The following DMBT1 variants were observed in gnomAD, a reference collection of about 807,000 sequenced individuals.
DMBT1 encodes scavenger receptor cysteine-rich domain-containing protein DMBT1.
A neutral mutation model predicts 252.9 loss-of-function variants in DMBT1; 198 were observed. The observed-to-expected ratio is 0.78, with a 90% confidence interval of 0.70 to 0.88. DMBT1 has a LOEUF of 0.88. Among genes scored for constraint, DMBT1 ranks in the 40% least tolerant of loss-of-function variants. The probability of loss-of-function intolerance (pLI) is 0.00; values close to 1 mark genes in which losing one functional copy is unlikely to be tolerated. For missense variants in DMBT1, 2,432 were observed against 2,404.7 expected (o/e 1.01, Z -0.24); for synonymous variants, 990 against 942.7 (o/e 1.05, Z -0.92).
rs964325640 is a variant in DMBT1 at position 122,593,077 on chromosome 10, G to A, written c.2500+482G>A. ...GGTTAGGGGTGCAAATGGGTGTCTGGTTCTATCAGGCCTGGGTTGTGTGAG... is the reference window on the plus strand; with the variant it reads ...GGTTAGGGGTGCAAATGGGTGTCTGATTCTATCAGGCCTGGGTTGTGTGAG... On this transcript the variant is annotated intron_variant, in intron 20 of 55. Transcript: ENST00000338354. Among the ~76,000 whole-genome samples the A allele has an allele frequency of 1.3e-4, 19 of 148,952 alleles. 3 individuals carry two copies. The highest frequency in any genetic ancestry group is 3.4e-3 in the Middle Eastern group (1 of 294).
chr10:122,618,107 C>T lies in DMBT1; in HGVS notation c.4982C>T (p.Thr1661Ile). 1 of 1,613,902 alleles carries T rather than the reference C, an allele frequency of 6.2e-7. No homozygotes were observed. Among genetic ancestry groups the T allele is most frequent in the Non-Finnish European group, 8.5e-7 (1 of 1,179,866 alleles). Residue 1661 changes from threonine (T) to isoleucine (I), a missense_variant, in exon 41 of 56, where the codon ACC becomes ATC. This residue lies in a region of DMBT1 where 1,162 missense variants were observed against 1,169.0 expected (regional missense o/e 0.99). Transcript: ENST00000338354. ...GTCCTATACCAAGGCTCCTGGGGCA[C>T]CGTGTGTGATGACTACTGGGACACC... ...VEVLYQGSWG[T>I]VCDDYWDTND...
intron 4 of DMBT1, among the ~76,000 whole-genome samples, chr10:122,572,098 G>C (rs189152026): frequency 3.3e-5 from 5 of 152,308 alleles, no homozygotes; most frequent in African/African-American, 9.6e-5. Flanking sequence ...GAGGTTGGGG[G>C]AGGGTAAGGA....
chr10:122,638,741 GCCT>G (rs1176215233), intron 54 of DMBT1, among the ~76,000 whole-genome samples: 2 of 152,208 alleles, frequency 1.3e-5, no homozygotes, highest in Non-Finnish European at 2.9e-5. Context: ...ACTGCTCCTG[GCCT>G]CCTCTATTTC....
intron 20 of DMBT1, among the ~76,000 whole-genome samples, chr10:122,593,191 A>G (rs1045313156): frequency 1.3e-5 from 2 of 148,750 alleles, no homozygotes; most frequent in African/African-American, 2.4e-5. Context: ...CCCCCATGAG[A>G]CAGGCCAGGC....
At chr10:122,629,359 T>C (rs2098141147) in intron 46 of DMBT1, among the ~76,000 whole-genome samples, 1 of 152,230 alleles carries the variant, frequency 6.6e-6, no homozygotes, top group African/African-American at 2.4e-5. Context: ...CCCAGGCTTC[T>C]TGTTGCAGAA....
chr10:122,571,032 G>A, intron 4 of DMBT1, 95 bp downstream of exon 4: 1 of 1,454,046 alleles, frequency 6.9e-7, no homozygotes, highest in Non-Finnish European at 9.6e-7. Context: ...GGCATAGAAG[G>A]TAGGGTGCTG....
At chr10:122,565,773 C>T (rs920163467) in intron 1 of DMBT1, among the ~76,000 whole-genome samples, 194 bp from the exon 2 acceptor site, 8 of 152,190 alleles carry the variant, frequency 5.3e-5, no homozygotes, top group African/African-American at 1.4e-4. Flanking sequence ...TGATTGAGCT[C>T]CTCATATCCA....
rs1257859110 is a variant in DMBT1 at position 122,567,685 on chromosome 10, C to T, written c.91+1689C>T. On this transcript the variant is annotated intron_variant, in intron 2 of 55. Transcript: ENST00000338354. Reference sequence around the variant, plus strand: ...TTCCTCACACCATCAATACAGCTTACCCCAGTGGGTGGTCTAGTGGCATCA... The same window carrying T: ...TTCCTCACACCATCAATACAGCTTATCCCAGTGGGTGGTCTAGTGGCATCA... Among the ~76,000 whole-genome samples the T allele has an allele frequency of 2.6e-5, 4 of 152,170 alleles. No homozygotes were observed. In the East Asian group the frequency reaches 7.7e-4, roughly 29 times the overall value.
rs189345129 is a variant in DMBT1, at chr10:122,575,529, G to T, written c.284-870G>T. Among the ~76,000 whole-genome samples the T allele has an allele frequency of 2.0e-4, 31 of 152,132 alleles. No homozygotes were observed. In the East Asian group the frequency reaches 5.2e-3, roughly 26 times the overall value. On this transcript the variant is annotated intron_variant, in intron 6 of 55. Transcript: ENST00000338354. ...TATATTTTCTGGTTTTTTTTGGGGG[G>T]GTGTGGTGGGGTTTGTTTTTCATCT...
intron 24 of DMBT1, 71 bp downstream of exon 24, chr10:122,597,125 A>G (rs1565784317): frequency 2.9e-6 from 1 of 347,404 alleles, no homozygotes. Flanking sequence ...TGCACTCCAC[A>G]GAGCCCTCGT....
In DMBT1 at chr10:122,576,412, T is replaced by C. The variant is rs200701682; in HGVS notation, c.297T>C (p.Gly99=). ...GCCTTCCTCTAGGATCTGATTCTGG[T>C]TTGGCCCTGAGGCTGGTGAATGGAG... ...ESTVAEGSDS[G]LALRLVNGDG... The change falls in exon 7 of 56, where the codon GGT becomes GGC. Residue 99 remains glycine (G), a synonymous_variant. Coordinates refer to ENST00000338354, the MANE Select transcript of DMBT1 (RefSeq NM_001377530.1). 1.2e-6 allele frequency: 2 copies of C among 1,613,826 alleles called. No homozygotes were observed. Among genetic ancestry groups the C allele is most frequent in the Non-Finnish European group, 1.7e-6 (2 of 1,179,792 alleles).
At position 122,617,584 on chromosome 10, in the gene DMBT1, G is replaced by A. The variant is rs190858103; in HGVS notation, c.4891+324G>A. On this transcript the variant is annotated intron_variant, in intron 40 of 55. Coordinates refer to ENST00000338354, the MANE Select transcript of DMBT1 (RefSeq NM_001377530.1). ...TGACCACGCACTGCAGACCTGCAAG[G>A]GTGGGTGAAAATTTCTGTCCCTGCA... Among the ~76,000 whole-genome samples the A allele has an allele frequency of 7.3e-5, 11 of 151,712 alleles. 2 individuals carry two copies. Among genetic ancestry groups the A allele is most frequent in the African/African-American group, 2.4e-4 (10 of 41,220 alleles).
intron 45 of DMBT1, 78 bp downstream of exon 45, chr10:122,625,381 T>G: frequency 7.2e-7 from 1 of 1,381,912 alleles, no homozygotes; most frequent in Non-Finnish European, 1.0e-6. Context: ...GTAGGAGGAG[T>G]AGGGTAGACT....
chr10:122,568,028 G>A (rs1002368036), intron 2 of DMBT1, among the ~76,000 whole-genome samples: 6 of 152,218 alleles, frequency 3.9e-5, no homozygotes, highest in Admixed American at 6.5e-5. Flanking sequence ...ACTAGAGAAA[G>A]GAAGAGCAGA....
In DMBT1 at chr10:122,598,970, C is replaced by T. The variant is rs1203967966; in HGVS notation, c.3153C>T (p.Gly1051=). 8 of 1,613,644 alleles carry T rather than the reference C, an allele frequency of 5.0e-6. No individual in the cohort carries two copies. The highest frequency in any genetic ancestry group is 1.3e-5 in the African/African-American group (1 of 74,914). The change falls in exon 26 of 56, where the codon GGC becomes GGT. Residue 1051 remains glycine, a synonymous_variant. Transcript: ENST00000338354. ...CAGGAAATGCCCGGTTTGGTCAGGG[C>T]TCAGGACCCATTGTCCTGGATGATG... The part of the protein sequence containing the change: ...SAPGNARFGQ[G]SGPIVLDDVR...
chr10:122,579,965 A>G, intron 10 of DMBT1, 64 bp downstream of exon 10: 1 of 1,610,154 alleles, frequency 6.2e-7, no homozygotes, highest in African/African-American at 1.3e-5. Flanking sequence ...GAAACTCCTA[A>G]TTACATTCTG....
intron 16 of DMBT1, among the ~76,000 whole-genome samples, chr10:122,587,147 G>C (rs531631742): frequency 6.7e-6 from 1 of 148,404 alleles, no homozygotes; most frequent in South Asian, 2.3e-4. Flanking sequence ...ATAGCATGCT[G>C]CCTCTCCAGG....
rs772814884 is a variant in DMBT1 at position 122,600,029 on chromosome 10, G to A, written c.3281-35G>A. 1.1e-5 allele frequency: 17 copies of A among 1,607,562 alleles called. 1 individual carries two copies. In the South Asian group the frequency reaches 1.1e-4, roughly 10 times the overall value. ...TCCACTTTGCCGACTTCTGTGTAAT[G>A]TTCCTGATCTGACCTTCTCTTCTCT... On this transcript the variant is annotated intron_variant, in intron 26 of 55. Transcript: ENST00000338354.
intron 5 of DMBT1, 23 bp from the exon 6 acceptor site, chr10:122,573,692 C>G (rs2097686684): frequency 1.2e-6 from 2 of 1,613,662 alleles, no homozygotes; most frequent in African/African-American, 2.7e-5. Flanking sequence ...GATCAATGAG[C>G]TCTTCCTTTC....
Sources: allele counts gnomAD v4.1 joint callset (sites outside exome capture counted in the v4.1 genomes callset), GRCh38; gene constraint gnomAD v4.1.1; regional missense constraint gnomAD v4.1.1; transcripts MANE v1.5; gene names NCBI Gene and HGNC (gene_info 2026-07-23, HGNC 2026-07-21).